The following SH3PXD2A variants were observed in gnomAD, a reference collection of about 807,000 sequenced individuals.
SH3PXD2A encodes SH3 and PX domain-containing protein 2A.
A neutral mutation model predicts 115.2 loss-of-function variants in SH3PXD2A; 32 were observed. The ratio of observed to expected loss-of-function variants is 0.28; its 90% confidence interval spans 0.21 to 0.37. SH3PXD2A has a LOEUF of 0.37. SH3PXD2A is among the 10% of genes least tolerant of loss of function. The probability of loss-of-function intolerance (pLI) is 1.00; values close to 1 mark genes in which losing one functional copy is unlikely to be tolerated. For synonymous variants in SH3PXD2A, 610 were observed against 629.1 expected (o/e 0.97, Z 0.45); for missense variants, 1,328 against 1,498.7 (o/e 0.89, Z 1.88).
intron 1 of SH3PXD2A, among the ~76,000 whole-genome samples, chr10:103,806,497 C>T (rs1171177953): frequency 6.6e-6 from 1 of 152,054 alleles, no homozygotes; most frequent in Non-Finnish European, 1.5e-5. Flanking sequence ...GAACAGGTGA[C>T]AGGGAAGGGG....
chr10:103,603,183 C>T lies in SH3PXD2A; in HGVS notation c.2035G>A (p.Ala679Thr). 6.2e-7 allele frequency: 1 copy of T among 1,614,082 alleles called. No individual in the cohort carries two copies. Among genetic ancestry groups the T allele is most frequent in the South Asian group, 1.1e-5 (1 of 91,080 alleles). ...LKLKAEKNAQ[A>T]EMGKNHSSAS... ...GAGGAGTGGTTCTTCCCCATTTCTGCCTGGGCATTCTTCTCTGCCTTGAGC... is the reference window on the plus strand; with the variant it reads ...GAGGAGTGGTTCTTCCCCATTTCTGTCTGGGCATTCTTCTCTGCCTTGAGC... Residue 679 changes from alanine (A) to threonine (T), a missense_variant, in exon 15 of 15, where the codon GCA (alanine) becomes ACA (threonine). Coordinates refer to ENST00000369774, the MANE Select transcript of SH3PXD2A (RefSeq NM_001394015.1).
At chr10:103,721,771 C>T (rs921605269) in intron 5 of SH3PXD2A, among the ~76,000 whole-genome samples, 2 of 152,118 alleles carry the variant, frequency 1.3e-5, no homozygotes, top group Non-Finnish European at 2.9e-5. Flanking sequence ...CTGCCAGGCT[C>T]AGAGCCTTCC....
At chr10:103,851,636 T>C (rs1842897565) in intron 1 of SH3PXD2A, among the ~76,000 whole-genome samples, 1 of 152,200 alleles carries the variant, frequency 6.6e-6, no homozygotes. Context: ...AGTTAATTCA[T>C]CTGTAAAACA....
intron 1 of SH3PXD2A, among the ~76,000 whole-genome samples, chr10:103,845,010 TA>T (rs564823836): frequency 3.3e-5 from 5 of 152,072 alleles, no homozygotes; most frequent in Non-Finnish European, 7.4e-5. Flanking sequence ...ATACAGGTCA[TA>T]AAGACCTTGC....
At chr10:103,702,655 G>C (rs2037933691) in intron 5 of SH3PXD2A, among the ~76,000 whole-genome samples, 1 of 150,982 alleles carries the variant, frequency 6.6e-6, no homozygotes, top group African/African-American at 2.4e-5. Context: ...TGTCTTGGGG[G>C]AGCAGGACAG....
In SH3PXD2A at chr10:103,599,076, T is replaced by A. The variant is rs2036178759; in HGVS notation, c.*2740A>T. 1 of 152,228 alleles carries A rather than the reference T, an allele frequency of 6.6e-6. No homozygotes were observed. The highest frequency in any genetic ancestry group is 2.4e-5 in the African/African-American group (1 of 41,300). 9.4% of individuals were successfully genotyped at this position (152,228 alleles called of 1,614,324 possible). A position where few individuals can be genotyped will look rare whatever the true frequency, so the allele number is the denominator to read the frequency against. On this transcript the variant is annotated 3_prime_UTR_variant, in exon 15 of 15. Coordinates refer to ENST00000369774, the MANE Select transcript of SH3PXD2A (RefSeq NM_001394015.1). ...ACCACACAATAAACTATAATGGCAG[T>A]GAGGAGGAGCACGGGATTAATGTAG...
intron 9 of SH3PXD2A, among the ~76,000 whole-genome samples, chr10:103,626,706 C>T (rs557144929): frequency 7.3e-5 from 11 of 150,478 alleles, no homozygotes; most frequent in East Asian, 1.9e-4. Context: ...GCATGTGGAT[C>T]GCTTGAGCCC....
intron 5 of SH3PXD2A, among the ~76,000 whole-genome samples, chr10:103,711,603 C>G (rs981302387): frequency 6.6e-6 from 1 of 152,164 alleles, no homozygotes; most frequent in Non-Finnish European, 1.5e-5. Context: ...GCAAGGGCAG[C>G]GTAGCAGCTG....
intron 8 of SH3PXD2A, among the ~76,000 whole-genome samples, chr10:103,640,803 C>A (rs2036944317): frequency 6.6e-6 from 1 of 152,128 alleles, no homozygotes; most frequent in Non-Finnish European, 1.5e-5. Flanking sequence ...AAGGGTGCAA[C>A]AGGAAGAAAG....
At chr10:103,721,036 G>C (rs770018268) in intron 5 of SH3PXD2A, among the ~76,000 whole-genome samples, 26 of 152,230 alleles carry the variant, frequency 1.7e-4, no homozygotes, top group Non-Finnish European at 3.4e-4. Context: ...TGGCCCACGT[G>C]GCCAATACCA....
At chr10:103,806,214 C>G (rs914703489) in intron 1 of SH3PXD2A, among the ~76,000 whole-genome samples, 1 of 152,120 alleles carries the variant, frequency 6.6e-6, no homozygotes, top group East Asian at 1.9e-4. Flanking sequence ...CAGCCTACCC[C>G]CCTGGACAGA....
At chr10:103,622,016 C>T (rs956651266) in intron 10 of SH3PXD2A, among the ~76,000 whole-genome samples, 1 of 152,172 alleles carries the variant, frequency 6.6e-6, no homozygotes, top group African/African-American at 2.4e-5. Context: ...CTGCTTTGTT[C>T]CCAAGAAACT....
chr10:103,681,718 TGGG>T (rs1239863781), intron 6 of SH3PXD2A, among the ~76,000 whole-genome samples: 5 of 151,664 alleles, frequency 3.3e-5, no homozygotes, highest in Non-Finnish European at 7.4e-5. Flanking sequence ...CACTCCAGCC[TGGG>T]TGACAGAGTG....
intron 3 of SH3PXD2A, among the ~76,000 whole-genome samples, chr10:103,742,717 G>A (rs115270135): frequency 2.1e-3 from 313 of 152,294 alleles, no homozygotes; most frequent in African/African-American, 7.1e-3. Context: ...ATGGATATGA[G>A]TGCAGCCTGA....
At chr10:103,841,193 C>T (rs547366158) in intron 1 of SH3PXD2A, among the ~76,000 whole-genome samples, 2 of 152,222 alleles carry the variant, frequency 1.3e-5, no homozygotes, top group South Asian at 4.2e-4. Flanking sequence ...TCACACTGAT[C>T]CAGGACGCAC....
intron 8 of SH3PXD2A, among the ~76,000 whole-genome samples, chr10:103,641,839 C>T (rs1172392814): frequency 1.3e-5 from 2 of 152,136 alleles, no homozygotes; most frequent in African/African-American, 2.4e-5. Flanking sequence ...CGTTCTGGCA[C>T]GAGATCTCAC....
intron 1 of SH3PXD2A, among the ~76,000 whole-genome samples, chr10:103,842,904 A>G (rs2039614413): frequency 6.6e-6 from 1 of 152,244 alleles, no homozygotes; most frequent in African/African-American, 2.4e-5. Context: ...CCAAAGGCTG[A>G]ACAATCCAAG....
chr10:103,691,399 G>C, intron 6 of SH3PXD2A, among the ~76,000 whole-genome samples: 1 of 152,170 alleles, frequency 6.6e-6, no homozygotes, highest in Admixed American at 6.5e-5. Context: ...AGGTCACACA[G>C]AGCCAGAATT....
At chr10:103,824,575 T>C (rs1318068009) in intron 1 of SH3PXD2A, among the ~76,000 whole-genome samples, 2 of 152,072 alleles carry the variant, frequency 1.3e-5, no homozygotes, top group African/African-American at 4.8e-5. Context: ...CAAAATCCTC[T>C]CCTGAAAGAG....
Sources: allele counts gnomAD v4.1 joint callset (sites outside exome capture counted in the v4.1 genomes callset), GRCh38; gene constraint gnomAD v4.1.1; transcripts MANE v1.5; gene names NCBI Gene and HGNC (gene_info 2026-07-23, HGNC 2026-07-21).